CDC16: variants seen among roughly 807,000 people sequenced by gnomAD.
CDC16 encodes cell division cycle protein 16 homolog.
CDC16 carries 34 observed loss-of-function variants against 87.0 expected under a neutral mutation model. The observed-to-expected ratio is 0.39, with a 90% confidence interval of 0.30 to 0.52. CDC16 has a LOEUF of 0.52. Among genes scored for constraint, CDC16 ranks in the 20% least tolerant of loss-of-function variants. CDC16 has a pLI of 0.74. For missense variants in CDC16, 653 were observed against 751.9 expected (o/e 0.87, Z 1.54); for synonymous variants, 263 against 260.6 (o/e 1.01, Z -0.09).
rs1303349809 is a variant in CDC16, at chr13:114,236,849, C to T, written c.154C>T (p.Gln52Ter). Residue 52 changes from glutamine to a stop codon, truncating the protein, a stop_gained, in exon 3 of 18, where the codon CAA becomes TAA. Coordinates refer to ENST00000356221, the MANE Select transcript of CDC16 (RefSeq NM_001078645.3). LOFTEE classifies it high-confidence loss of function. ...GGCTCAGTGTCTTTACCTGACAGCA[C>T]AATATCACAGAGCCGCCCATGCACT... ...WLAQCLYLTAQYHRAAHALRS... is the reference protein window; with the variant it reads ...WLAQCLYLTA 1 of 1,609,734 alleles carries T rather than the reference C, an allele frequency of 6.2e-7. No individual in the cohort carries two copies. Among genetic ancestry groups the T allele is most frequent in the Non-Finnish European group, 8.5e-7 (1 of 1,178,674 alleles).
intron 1 of CDC16, among the ~76,000 whole-genome samples, chr13:114,235,821 G>T (rs532683396): frequency 1.3e-5 from 2 of 152,230 alleles, no homozygotes; most frequent in African/African-American, 4.8e-5. Flanking sequence ...TTGGAGGGCT[G>T]TGTTTTTATT....
At chr13:114,271,339 A>G (rs2083639636) in intron 17 of CDC16, among the ~76,000 whole-genome samples, 1 of 152,212 alleles carries the variant, frequency 6.6e-6, no homozygotes, top group Admixed American at 6.5e-5. Flanking sequence ...GTTTATGTCG[A>G]ATGATTGTAC....
chr13:114,243,348 A>G lies in CDC16; in HGVS notation c.633A>G (p.Lys211=), dbSNP rs1159095245. ...TTCTATTTGAGAACAAATTGAAAAA[A>G]GTAAGTAAAACCAAAGAGTTAGCAC... ...LRFLFENKLK[K]YNKPSETVIP... Residue 211 remains lysine, a splice_region_variant and synonymous_variant, in exon 7 of 18, where the codon AAA becomes AAG. Transcript: ENST00000356221. 6.8e-7 allele frequency: 1 copy of G among 1,476,954 alleles called. No individual in the cohort carries two copies. The highest frequency in any genetic ancestry group is 1.7e-5 in the Admixed American group (1 of 59,558). The allele number at this position is 1,476,954 out of a possible 1,614,324, so 91.5% of individuals were successfully genotyped here.
At position 114,247,024 on chromosome 13, in the gene CDC16, CT is replaced by C. The variant is rs966025538; in HGVS notation, c.971+21del. On this transcript the variant is annotated intron_variant, in intron 11 of 17. Coordinates refer to ENST00000356221, the MANE Select transcript of CDC16 (RefSeq NM_001078645.3). Reference sequence around the variant, plus strand: ...TCTCAGGTATGAATTTATTTTTTTCCTCTCTAGTTAACCTGTAGAATTGATG... The same window carrying C: ...TCTCAGGTATGAATTTATTTTTTTCCCTCTAGTTAACCTGTAGAATTGATG... 1.3e-6 allele frequency: 2 copies of C among 1,521,758 alleles called. No individual in the cohort carries two copies. Among genetic ancestry groups the C allele is most frequent in the Non-Finnish European group, 1.8e-6 (2 of 1,096,130 alleles). The allele number at this position is 1,521,758 out of a possible 1,614,324, so 94.3% of individuals were successfully genotyped here.
intron 13 of CDC16, among the ~76,000 whole-genome samples, chr13:114,258,371 A>G (rs1271401153): frequency 1.3e-5 from 2 of 152,218 alleles, no homozygotes; most frequent in Non-Finnish European, 2.9e-5. Context: ...CTAAGAAGGC[A>G]ACGCTCTGCC....
intron 11 of CDC16, among the ~76,000 whole-genome samples, chr13:114,248,068 CAG>C (rs1215783645): frequency 6.6e-6 from 1 of 152,126 alleles, no homozygotes; most frequent in East Asian, 1.9e-4. Context: ...GACTATAAAA[CAG>C]AATTCTTAGC....
At chr13:114,249,125 T>C (rs17338060) in intron 11 of CDC16, among the ~76,000 whole-genome samples, 12,373 of 151,726 alleles carry the variant, frequency 0.082, 557 homozygotes, top group South Asian at 0.16. Flanking sequence ...TTCCTGCAAC[T>C]AGATGGTCCC....
intron 16 of CDC16, among the ~76,000 whole-genome samples, chr13:114,264,057 T>G (rs1239026483): frequency 6.6e-6 from 1 of 152,220 alleles, no homozygotes; most frequent in Non-Finnish European, 1.5e-5. Flanking sequence ...GATAAACTCA[T>G]GAGCGCTTCG....
intron 3 of CDC16, among the ~76,000 whole-genome samples, chr13:114,237,196 C>G (rs1210927352): frequency 6.6e-6 from 1 of 151,098 alleles, no homozygotes; most frequent in African/African-American, 2.4e-5. Context: ...GCACTCCAGC[C>G]TGGACAACAG....
At chr13:114,253,857 A>C (rs1269190040) in intron 12 of CDC16, among the ~76,000 whole-genome samples, 1 of 152,036 alleles carries the variant, frequency 6.6e-6, no homozygotes, top group Non-Finnish European at 1.5e-5. Context: ...TTGATCTTCT[A>C]CTTATTTATT....
Position 114,262,727 on chromosome 13 carries a change from T to TG in CDC16, c.1377-151dup, listed in dbSNP as rs1184247182. 5.6e-5 allele frequency: 41 copies of TG among 727,168 alleles called. No individual in the cohort carries two copies. In the East Asian group the frequency reaches 1.0e-3, roughly 19 times the overall value. 45.0% of individuals were successfully genotyped at this position (727,168 alleles called of 1,614,324 possible). ...GATGCATTTAGAGGGCATATTGAGATGCATGAGAGTAGGTGTGGAGAACAT... is the reference window on the plus strand; with the variant it reads ...GATGCATTTAGAGGGCATATTGAGATGGCATGAGAGTAGGTGTGGAGAACAT... On this transcript the variant is annotated intron_variant, in intron 15 of 17. Coordinates refer to ENST00000356221, the MANE Select transcript of CDC16 (RefSeq NM_001078645.3).
intron 3 of CDC16, among the ~76,000 whole-genome samples, chr13:114,238,613 AG>A (rs1566633151): frequency 1.3e-5 from 2 of 152,236 alleles, no homozygotes; most frequent in Non-Finnish European, 2.9e-5. Context: ...CAGTGCTTGA[AG>A]AGCTACCCAG....
Position 114,242,290 on chromosome 13 carries a change from C to T in CDC16, c.541+10C>T, listed in dbSNP as rs201013986. The T allele has an allele frequency of 2.7e-4, 437 of 1,595,316 alleles. 3 individuals carry two copies. In the Middle Eastern group the frequency reaches 2.9e-3, roughly 10 times the overall value. On this transcript the variant is annotated intron_variant, in intron 6 of 17. Transcript: ENST00000356221. ...CTGACAGCACAAGAAGGTTTGGAAACTCAGGCTTTTTTGTTTTATGTTTAG... is the reference window on the plus strand; with the variant it reads ...CTGACAGCACAAGAAGGTTTGGAAATTCAGGCTTTTTTGTTTTATGTTTAG...
chr13:114,257,190 G>C lies in CDC16; in HGVS notation c.1210G>C (p.Val404Leu), dbSNP rs1479574295. The C allele has an allele frequency of 1.9e-6, 3 of 1,612,916 alleles. No individual in the cohort carries two copies. The highest frequency in any genetic ancestry group is 2.5e-6 in the Non-Finnish European group (3 of 1,179,300). ...ALSIAPEDPF[V>L]MHEVGVVAFQ... ...GAGCATTGCACCGGAAGACCCTTTTGTTATGCATGAGGTCGGCGTGGTTGC... is the reference window on the plus strand; with the variant it reads ...GAGCATTGCACCGGAAGACCCTTTTCTTATGCATGAGGTCGGCGTGGTTGC... The change falls in exon 13 of 18, where the codon GTT becomes CTT. Residue 404 changes from valine to leucine, a missense_variant. By Grantham distance (32) the Val-to-Leu change is conservative. Coordinates refer to ENST00000356221, the MANE Select transcript of CDC16 (RefSeq NM_001078645.3).
chr13:114,256,018 G>C (rs375169485), intron 12 of CDC16, among the ~76,000 whole-genome samples: 1 of 152,220 alleles, frequency 6.6e-6, no homozygotes, highest in East Asian at 1.9e-4. Flanking sequence ...TCCAATGGCT[G>C]CTAGGCTAAT....
At chr13:114,237,338 G>C (rs1236188454) in intron 3 of CDC16, among the ~76,000 whole-genome samples, 2 of 152,262 alleles carry the variant, frequency 1.3e-5, no homozygotes, top group South Asian at 4.1e-4. Flanking sequence ...GTGTCACCCA[G>C]GAGTGCAGTG....
intron 17 of CDC16, among the ~76,000 whole-genome samples, chr13:114,271,804 A>G (rs2083694832): frequency 6.6e-6 from 1 of 152,096 alleles, no homozygotes; most frequent in Non-Finnish European, 1.5e-5. Flanking sequence ...CTTACCTGTA[A>G]CAGCTGAGGA....
In CDC16 at chr13:114,268,143, A is replaced by C. The variant is rs186360559; in HGVS notation, c.1603+2903A>C. ...GAGTTGGAAAAGGGAAAGGGGGGGG[A>C]GTTCCCCTATGTAGAGCAGAGGGAT... On this transcript the variant is annotated intron_variant, in intron 17 of 17. Coordinates refer to ENST00000356221, the MANE Select transcript of CDC16 (RefSeq NM_001078645.3). Among the ~76,000 whole-genome samples, 545 of 151,748 alleles carry C rather than the reference A, an allele frequency of 3.6e-3. 2 individuals are homozygous for C. The highest frequency in any genetic ancestry group is 6.3e-3 in the Non-Finnish European group (427 of 67,966).
At chr13:114,258,592 A>G (rs375025978) in intron 13 of CDC16, among the ~76,000 whole-genome samples, 1 of 152,236 alleles carries the variant, frequency 6.6e-6, no homozygotes, top group Non-Finnish European at 1.5e-5. Flanking sequence ...AGGCATCAGT[A>G]TTTATAGTGC....
Sources: gnomAD v4.1 joint callset for allele counts (sites outside exome capture counted in the v4.1 genomes callset) on GRCh38, gnomAD v4.1.1 for gene constraint, MANE v1.5 for transcripts, NCBI Gene and HGNC (gene_info 2026-07-23, HGNC 2026-07-21) for gene names.